The following BPTF variants were observed in gnomAD, a reference collection of about 807,000 sequenced individuals.
The protein encoded by BPTF is bromodomain PHD finger transcription factor.
A neutral mutation model predicts 292.5 loss-of-function variants in BPTF; 18 were observed. The observed-to-expected ratio is 0.06, with a 90% CI of 0.04 to 0.09. The LOEUF is 0.09. Among genes scored for constraint, BPTF ranks in the 10% least tolerant of loss-of-function variants. The probability of loss-of-function intolerance (pLI) is 1.00; values close to 1 mark genes in which losing one functional copy is unlikely to be tolerated. For synonymous variants in BPTF, 1,225 were observed against 1,251.9 expected, an observed-to-expected ratio of 0.98 and a Z score of 0.45; for missense variants, 2,726 against 3,498.7, an observed-to-expected ratio of 0.78 and a Z score of 5.57.
intron 7 of BPTF, among the ~76,000 whole-genome samples, chr17:67,896,256 C>G (rs574394304): frequency 6.6e-6 from 1 of 152,280 alleles, no homozygotes; most frequent in South Asian, 2.1e-4. Flanking sequence ...GTGACTGCAC[C>G]CAGCCAATAT....
intron 26 of BPTF, chr17:67,973,978 T>C (rs1395180118): frequency 6.6e-6 from 1 of 152,178 alleles, no homozygotes; most frequent in Admixed American, 6.6e-5. Context: ...CTTTAGAATA[T>C]TTTTTAATGT....
chr17:67,840,339 T>C (rs1267928430), intron 1 of BPTF, among the ~76,000 whole-genome samples: 1 of 152,118 alleles, frequency 6.6e-6, no homozygotes. Context: ...ACTCCTGGGC[T>C]CAAGCAATCC....
At chr17:67,971,497 A>G (rs143291809) in intron 26 of BPTF, among the ~76,000 whole-genome samples, 2,707 of 152,122 alleles carry the variant, frequency 0.018, 76 homozygotes, top group African/African-American at 0.057. Flanking sequence ...AAAAAAAAAA[A>G]AGAGTTATTT....
At chr17:67,856,411 A>G (rs1383205551) in intron 2 of BPTF, among the ~76,000 whole-genome samples, 4 of 151,692 alleles carry the variant, frequency 2.6e-5, no homozygotes, top group Non-Finnish European at 4.4e-5. Context: ...TCCTCTGTGC[A>G]TGGTCTGTTT....
Position 67,851,247 on chromosome 17 carries a change from G to A in BPTF, c.614-2693G>A, listed in dbSNP as rs1049271935. 6.0e-5 allele frequency among the ~76,000 whole-genome samples: 9 copies of A among 150,876 alleles called. No individual in the cohort carries two copies. The South Asian group carries it at 1.9e-3, about 32-fold the overall frequency. The stretch of plus-strand genomic sequence containing the variant: ...GACTGGGCTCAAGGAACACAAAAAG[G>A]TCAACTTGTTTTTGCGATTTTCTGC... On this transcript the variant is annotated intron_variant, in intron 1 of 27. Coordinates refer to ENST00000306378, the MANE Select transcript of BPTF (RefSeq NM_182641.4).
chr17:67,939,703 C>G (rs1238607332), intron 18 of BPTF, among the ~76,000 whole-genome samples: 1 of 152,088 alleles, frequency 6.6e-6, no homozygotes, highest in East Asian at 1.9e-4. Context: ...TGGTGAAACC[C>G]CATCTCTATT....
intron 4 of BPTF, 140 bp downstream of exon 4, chr17:67,875,160 C>A: frequency 1.4e-6 from 1 of 716,712 alleles, no homozygotes. Context: ...ATACCGTCCC[C>A]TCTTATAACG....
intron 17 of BPTF, among the ~76,000 whole-genome samples, chr17:67,929,844 G>A (rs577257738): frequency 5.3e-5 from 8 of 152,182 alleles, no homozygotes; most frequent in South Asian, 2.1e-4. Context: ...GGCCAGGTGC[G>A]GCGGCTCACG....
chr17:67,884,578 G>A (rs2060632456), intron 4 of BPTF, among the ~76,000 whole-genome samples: 2 of 151,940 alleles, frequency 1.3e-5, no homozygotes, highest in Admixed American at 1.3e-4. Context: ...ACTATGCCTG[G>A]CTAATTTTTG....
intron 27 of BPTF, chr17:67,981,616 T>A: frequency 1.9e-6 from 2 of 1,033,948 alleles, no homozygotes; most frequent in Non-Finnish European, 2.3e-6. Flanking sequence ...CTAGCAGCCA[T>A]GTTGAACAAT....
At chr17:67,888,456 G>A (rs2060884249) in intron 4 of BPTF, among the ~76,000 whole-genome samples, 1 of 151,998 alleles carries the variant, frequency 6.6e-6, no homozygotes, top group Non-Finnish European at 1.5e-5. Flanking sequence ...CGGGCATGGT[G>A]GTGTGTGCCT....
intron 16 of BPTF, chr17:67,929,105 C>T: frequency 7.7e-7 from 1 of 1,304,302 alleles, no homozygotes; most frequent in South Asian, 2.1e-5. Context: ...TGTAAATGTG[C>T]CAGCAACACA....
chr17:67,954,788 A>G (rs2066761679), intron 23 of BPTF, among the ~76,000 whole-genome samples: 2 of 152,228 alleles, frequency 1.3e-5, no homozygotes, highest in South Asian at 2.1e-4. Flanking sequence ...CCATGATGTT[A>G]TAAACATATG....
chr17:67,980,741 G>T (rs1439735739), intron 27 of BPTF, among the ~76,000 whole-genome samples: 1 of 152,180 alleles, frequency 6.6e-6, no homozygotes, highest in Non-Finnish European at 1.5e-5. Flanking sequence ...CAGTGAAGGG[G>T]CCACTTAGGA....
At chr17:67,875,721 C>G in intron 4 of BPTF, 1 of 1,600,696 alleles carries the variant, frequency 6.2e-7, no homozygotes, top group Non-Finnish European at 8.5e-7. Flanking sequence ...AAGGTGGCAT[C>G]TGAGCTCCCC....
chr17:67,854,146 C>T lies in BPTF; in HGVS notation c.820C>T (p.Leu274=), dbSNP rs201187631. ...PFRFEDFCAA[L]VSQEQCTLMA... ...TCGCTTTGAGGACTTTTGTGCAGCT[C>T]TGGTGAGCCAAGAGCAGTGCACACT... Residue 274 remains leucine (L), a synonymous_variant, in exon 2 of 28, where the codon CTG becomes TTG. Coordinates refer to ENST00000306378, the MANE Select transcript of BPTF (RefSeq NM_182641.4). This position sits in a 1 kb window ranked among gnomAD's most constrained non-coding sequence, Gnocchi z 5.6. The T allele has an allele frequency of 8.7e-6, 14 of 1,614,174 alleles. No homozygotes were observed. Among genetic ancestry groups the T allele is most frequent in the Middle Eastern group, 3.3e-4 (2 of 6,062 alleles).
intron 4 of BPTF, among the ~76,000 whole-genome samples, chr17:67,887,586 A>G (rs1254454908): frequency 1.3e-5 from 2 of 152,120 alleles, no homozygotes; most frequent in Non-Finnish European, 2.9e-5. Context: ...AATAATTTTC[A>G]TTTGATATGA....
intron 27 of BPTF, among the ~76,000 whole-genome samples, chr17:67,976,476 G>A (rs1443826078): frequency 1.3e-5 from 2 of 151,916 alleles, no homozygotes; most frequent in African/African-American, 4.8e-5. Context: ...CACAGGAGGT[G>A]GGGGGAACAT....
intron 24 of BPTF, among the ~76,000 whole-genome samples, chr17:67,960,853 A>C (rs1598934792): frequency 6.6e-6 from 1 of 152,220 alleles, no homozygotes; most frequent in Admixed American, 6.5e-5. Context: ...TCTAAATGAT[A>C]ATCTGTTTGC....
Sources: gnomAD v4.1 joint callset for allele counts (sites outside exome capture counted in the v4.1 genomes callset) on GRCh38, gnomAD v4.1.1 for gene constraint, Gnocchi (gnomAD v3.1) non-coding constraint, MANE v1.5 for transcripts, NCBI Gene and HGNC (gene_info 2026-07-23, HGNC 2026-07-21) for gene names.